Variants in KLHL4 observed in about 807,000 individuals in gnomAD.
KLHL4 encodes the protein kelch like family member 4, also known as kelch-like protein 4.
KLHL4 carries 17 observed loss-of-function variants against 45.8 expected under a neutral mutation model. That is an observed-to-expected ratio of 0.37 (90% CI 0.25 to 0.56). KLHL4 has a LOEUF of 0.56. KLHL4 is among the 20% of genes least tolerant of loss of function. KLHL4 has a pLI of 0.79. For synonymous variants in KLHL4, 224 were observed against 189.9 expected, an observed-to-expected ratio of 1.18 and a Z score of -1.47; for missense variants, 544 against 544.9, an observed-to-expected ratio of 1.00 and a Z score of 0.02.
At chrX:87,520,405 C>T (rs187695806) in intron 1 of KLHL4, among the ~76,000 whole-genome samples, 12 of 112,364 alleles carry the variant, frequency 1.1e-4, no homozygotes, top group Non-Finnish European at 2.3e-4. Context: ...TGAGCTATGA[C>T]GCTCAGAGTA....
rs748223216 is a variant in KLHL4 at position 87,624,701 on chromosome X, A to G, written c.1138-909A>G. 1.7e-3 allele frequency among the ~76,000 whole-genome samples: 194 copies of G among 111,794 alleles called. 1 individual carries two copies. The highest frequency in any genetic ancestry group is 2.5e-3 in the Non-Finnish European group (132 of 53,147). Reference sequence around the variant, plus strand: ...GACTCTTGACAACATTCTGAAATATACTCTTGAATTCTCTCCAATTCATCT... The same window carrying G: ...GACTCTTGACAACATTCTGAAATATGCTCTTGAATTCTCTCCAATTCATCT... On this transcript the variant is annotated intron_variant, in intron 5 of 10. Coordinates refer to ENST00000373119, the MANE Select transcript of KLHL4 (RefSeq NM_019117.5).
intron 9 of KLHL4, among the ~76,000 whole-genome samples, chrX:87,637,947 G>GA (rs1190402104): frequency 1.8e-5 from 2 of 110,595 alleles, no homozygotes; most frequent in African/African-American, 3.3e-5. Flanking sequence ...AGACTCCATT[G>GA]AAAAAATAAA....
intron 1 of KLHL4, among the ~76,000 whole-genome samples, chrX:87,557,388 T>C (rs1467330575): frequency 8.9e-6 from 1 of 111,883 alleles, no homozygotes; most frequent in Non-Finnish European, 1.9e-5. Context: ...ATAGCAGCAA[T>C]GTGTGACTTT....
rs1924384664 is a variant in KLHL4 at position 87,666,794 on chromosome X, C to T, written c.*260C>T. 12 of 851,707 alleles carry T rather than the reference C, an allele frequency of 1.4e-5. No homozygotes were observed. The South Asian group carries it at 5.4e-4, about 39-fold the overall frequency. 70.2% of individuals were successfully genotyped at this position (851,707 alleles called of 1,213,427 possible). A position where few individuals can be genotyped will look rare whatever the true frequency, so the allele number is the denominator to read the frequency against. On this transcript the variant is annotated 3_prime_UTR_variant, in exon 11 of 11. Coordinates refer to ENST00000373119, the MANE Select transcript of KLHL4 (RefSeq NM_019117.5). ...AGGAAATCCCACAGTCTAGATATAGCCCCATTACTACAAAATGCTAAAATA... is the reference window on the plus strand; with the variant it reads ...AGGAAATCCCACAGTCTAGATATAGTCCCATTACTACAAAATGCTAAAATA...
chrX:87,555,146 C>T (rs1331345171), intron 1 of KLHL4, among the ~76,000 whole-genome samples: 4 of 102,901 alleles, frequency 3.9e-5, no homozygotes, highest in Non-Finnish European at 5.9e-5. Flanking sequence ...ATTTTTGCAT[C>T]AATGTTCATC....
chrX:87,549,221 A>C (rs1931755417), intron 1 of KLHL4, among the ~76,000 whole-genome samples: 1 of 111,260 alleles, frequency 9.0e-6, no homozygotes, highest in East Asian at 2.8e-4. Context: ...AGGATACATA[A>C]TAGCAACGTT....
chrX:87,586,517 C>T (rs188937123), intron 1 of KLHL4, among the ~76,000 whole-genome samples: 1 of 110,731 alleles, frequency 9.0e-6, no homozygotes, highest in East Asian at 2.8e-4. Context: ...ACAATATGTC[C>T]CTGAATGATA....
chrX:87,567,485 G>A (rs1407301259), intron 1 of KLHL4, among the ~76,000 whole-genome samples: 3 of 111,371 alleles, frequency 2.7e-5, no homozygotes, highest in African/African-American at 9.8e-5. Flanking sequence ...GCCCACAGAA[G>A]TGAAAGCAGG....
At chrX:87,642,534 T>C (rs1331185977) in intron 9 of KLHL4, among the ~76,000 whole-genome samples, 1 of 111,708 alleles carries the variant, frequency 9.0e-6, no homozygotes, top group East Asian at 2.8e-4. Flanking sequence ...CAGCAGTGGA[T>C]CCAAACCAAG....
chrX:87,632,851 T>C (rs890521649), intron 7 of KLHL4, among the ~76,000 whole-genome samples: 1 of 111,477 alleles, frequency 9.0e-6, no homozygotes, highest in Non-Finnish European at 1.9e-5. Context: ...CCTCGTTCTT[T>C]ATACTAGGCT....
At position 87,634,111 on chromosome X, in the gene KLHL4, C is replaced by A. The variant is rs757679348; in HGVS notation, c.1712+200C>A. 3.3e-4 allele frequency among the ~76,000 whole-genome samples: 37 copies of A among 111,707 alleles called. No homozygotes were observed. In the South Asian group the frequency reaches 0.013, roughly 40 times the overall value. ...AATACTTGATTAAATATTCTGTATG[C>A]CCTTGCTAATCAAGGTGTGGTCCTG... On this transcript the variant is annotated intron_variant, in intron 8 of 10. Coordinates refer to ENST00000373119, the MANE Select transcript of KLHL4 (RefSeq NM_019117.5).
intron 9 of KLHL4, among the ~76,000 whole-genome samples, chrX:87,646,220 A>G (rs1923627832): frequency 9.0e-6 from 1 of 111,406 alleles, no homozygotes; most frequent in Non-Finnish European, 1.9e-5. Flanking sequence ...TGAAAACTAC[A>G]AAACACTACT....
At chrX:87,602,803 A>G (rs1189796166) in intron 1 of KLHL4, among the ~76,000 whole-genome samples, 2 of 111,797 alleles carry the variant, frequency 1.8e-5, no homozygotes, top group African/African-American at 3.3e-5. Flanking sequence ...TAGAGGTCTA[A>G]TAACTTGAAT....
chrX:87,631,684 C>T (rs1453844684), intron 6 of KLHL4, among the ~76,000 whole-genome samples: 1 of 111,270 alleles, frequency 9.0e-6, no homozygotes, highest in Non-Finnish European at 1.9e-5. Context: ...GCTAAAGGCC[C>T]GTTTAAAAAT....
chrX:87,559,751 G>T (rs1160721961), intron 1 of KLHL4, among the ~76,000 whole-genome samples: 1 of 109,127 alleles, frequency 9.2e-6, no homozygotes, highest in Non-Finnish European at 1.9e-5. Flanking sequence ...CTTTTAAGTT[G>T]CTTACACTCT....
chrX:87,573,001 T>C (rs1016590701), intron 1 of KLHL4, among the ~76,000 whole-genome samples: 22 of 111,809 alleles, frequency 2.0e-4, no homozygotes, highest in African/African-American at 6.8e-4. Flanking sequence ...CAAATGTTTT[T>C]CTTAATCCTC....
chrX:87,658,524 TC>T (rs1448212664), intron 9 of KLHL4, among the ~76,000 whole-genome samples: 1 of 110,969 alleles, frequency 9.0e-6, no homozygotes, highest in Non-Finnish European at 1.9e-5. Context: ...GTCAAGGAGC[TC>T]CCCCTTGGCC....
chrX:87,522,719 T>G (rs1371172370), intron 1 of KLHL4, among the ~76,000 whole-genome samples: 1 of 112,305 alleles, frequency 8.9e-6, no homozygotes, highest in Non-Finnish European at 1.9e-5. Flanking sequence ...CAAAATTACA[T>G]AAGTTATTCA....
At chrX:87,537,662 T>A (rs749571712) in intron 1 of KLHL4, among the ~76,000 whole-genome samples, 1 of 111,354 alleles carries the variant, frequency 9.0e-6, no homozygotes, top group African/African-American at 3.2e-5. Flanking sequence ...ACTTGGCTAA[T>A]GTAAATATGA....
Sources: gnomAD v4.1 joint callset for allele counts (sites outside exome capture counted in the v4.1 genomes callset) on GRCh38, gnomAD v4.1.1 for gene constraint, MANE v1.5 for transcripts, NCBI Gene and HGNC (gene_info 2026-07-23, HGNC 2026-07-21) for gene names.